TBL1XR1: variants seen among roughly 807,000 people sequenced by gnomAD.
TBL1XR1 encodes TBL1X/Y related 1.
A neutral mutation model predicts 66.9 loss-of-function variants in TBL1XR1; 5 were observed. That is an observed-to-expected ratio of 0.07 (90% CI 0.04 to 0.16). The LOEUF is 0.16. TBL1XR1 is among the 10% of genes least tolerant of loss of function. TBL1XR1 has a pLI of 1.00. For missense variants in TBL1XR1, 238 were observed against 623.2 expected (o/e 0.38, Z 6.58); for synonymous variants, 210 against 206.0 (o/e 1.02, Z -0.17).
At chr3:177,111,202 T>C (rs1264511293) in intron 1 of TBL1XR1, among the ~76,000 whole-genome samples, 1 of 151,824 alleles carries the variant, frequency 6.6e-6, no homozygotes, top group Admixed American at 6.6e-5. Context: ...GGGCAAAGAA[T>C]CCACAAACGA....
chr3:177,176,301 A>G (rs1734144902), intron 1 of TBL1XR1, among the ~76,000 whole-genome samples: 2 of 151,000 alleles, frequency 1.3e-5, no homozygotes, highest in Non-Finnish European at 3.0e-5. Flanking sequence ...GGCTCAAGCG[A>G]TTCTCCTGCC....
chr3:177,083,225 G>A (rs974806813), intron 2 of TBL1XR1, among the ~76,000 whole-genome samples: 5 of 151,940 alleles, frequency 3.3e-5, no homozygotes, highest in Admixed American at 6.6e-5. Context: ...AAACCTGTTC[G>A]AAATTACCAA....
At position 177,117,032 on chromosome 3, in the gene TBL1XR1, C is replaced by T. The variant is rs78701211; in HGVS notation, c.-121-18491G>A. ...CAACATGACCCGGTTTCTAAACACA[C>T]TGCTATTGGCATTCCGAAAATGGGG... On this transcript the variant is annotated intron_variant, in intron 1 of 15. Transcript: ENST00000457928. Among the ~76,000 whole-genome samples, 70 of 152,308 alleles carry T rather than the reference C, an allele frequency of 4.6e-4. No homozygotes were observed. The East Asian group carries it at 0.013, about 28-fold the overall frequency.
intron 1 of TBL1XR1, among the ~76,000 whole-genome samples, chr3:177,123,360 C>G (rs1318273018): frequency 6.6e-6 from 1 of 151,986 alleles, no homozygotes; most frequent in East Asian, 1.9e-4. Flanking sequence ...CATACCTACA[C>G]CAACATCACT....
intron 14 of TBL1XR1, among the ~76,000 whole-genome samples, chr3:177,030,593 C>T (rs1713841533): frequency 6.6e-6 from 1 of 151,988 alleles, no homozygotes; most frequent in Admixed American, 6.6e-5. Flanking sequence ...AACATTTTAT[C>T]AGGTAAAAAT....
At chr3:177,166,839 T>C (rs1164085430) in intron 1 of TBL1XR1, among the ~76,000 whole-genome samples, 1 of 152,188 alleles carries the variant, frequency 6.6e-6, no homozygotes, top group East Asian at 1.9e-4. Flanking sequence ...CCTGGAACAC[T>C]GAAAACACCA....
chr3:177,128,493 T>C (rs1727912816), intron 1 of TBL1XR1, among the ~76,000 whole-genome samples: 1 of 152,040 alleles, frequency 6.6e-6, no homozygotes, highest in Admixed American at 6.5e-5. Context: ...CTCACCTCAG[T>C]CCCCCAAGTA....
chr3:177,098,455 G>C lies in TBL1XR1; in HGVS notation c.-46+11C>G. 1.0e-6 allele frequency: 1 copy of C among 984,266 alleles called. No homozygotes were observed. Among genetic ancestry groups the C allele is most frequent in the Non-Finnish European group, 1.2e-6 (1 of 828,532 alleles). 61.0% of individuals were successfully genotyped at this position (984,266 alleles called of 1,614,324 possible). A position where few individuals can be genotyped will look rare whatever the true frequency, so the allele number is the denominator to read the frequency against. On this transcript the variant is annotated intron_variant, in intron 2 of 15. Transcript: ENST00000457928. ...TAAGAAACACTGACATTGGGAGTTG[G>C]AGAGTCTTACCATTGGCAGTGCATT...
At position 177,153,729 on chromosome 3, in the gene TBL1XR1, T is replaced by G. The variant is rs374429820; in HGVS notation, c.-122+43392A>C. Among the ~76,000 whole-genome samples the G allele has an allele frequency of 7.2e-5, 11 of 151,924 alleles. No individual in the cohort carries two copies. The East Asian group carries it at 2.1e-3, about 29-fold the overall frequency. On this transcript the variant is annotated intron_variant, in intron 1 of 15. Transcript: ENST00000457928. ...ATGATGAAACCCCTACTAAAAAAAT[T>G]AGCTGGGCGTGGTGGCACGCGCCTG...
intron 2 of TBL1XR1, among the ~76,000 whole-genome samples, chr3:177,087,289 C>CTGTT (rs1722262172): frequency 6.6e-6 from 1 of 151,660 alleles, no homozygotes; most frequent in Non-Finnish European, 1.5e-5. Flanking sequence ...GTTTAAAGTA[C>CTGTT]CTCTATGTAA....
intron 1 of TBL1XR1, among the ~76,000 whole-genome samples, chr3:177,138,977 G>A (rs1380140867): frequency 2.0e-5 from 3 of 152,086 alleles, no homozygotes; most frequent in Admixed American, 2.0e-4. Flanking sequence ...AAGCCTCATA[G>A]AAAAAGAACC....
intron 1 of TBL1XR1, among the ~76,000 whole-genome samples, chr3:177,101,652 G>GC: frequency 1.3e-5 from 2 of 152,112 alleles, no homozygotes; most frequent in Non-Finnish European, 2.9e-5. Context: ...CCCACAGGCG[G>GC]CCCCTCAAGC....
intron 2 of TBL1XR1, among the ~76,000 whole-genome samples, chr3:177,087,744 G>GAAAGGAA (rs1474241074): frequency 3.3e-5 from 5 of 151,776 alleles, no homozygotes; most frequent in African/African-American, 1.2e-4. Context: ...ATGGATGAAT[G>GAAAGGAA]AAAGGAAAAA....
chr3:177,054,221 A>T (rs1717516412), intron 3 of TBL1XR1, among the ~76,000 whole-genome samples: 1 of 152,248 alleles, frequency 6.6e-6, no homozygotes, highest in South Asian at 2.1e-4. Flanking sequence ...CTTAACAAAA[A>T]GCATCAAATG....
chr3:177,178,329 C>A (rs1489240308), intron 1 of TBL1XR1, among the ~76,000 whole-genome samples: 4 of 151,938 alleles, frequency 2.6e-5, no homozygotes, highest in African/African-American at 9.7e-5. Flanking sequence ...AATATAGTAC[C>A]AGATTTTAAA....
intron 1 of TBL1XR1, among the ~76,000 whole-genome samples, chr3:177,141,106 A>T (rs1019992413): frequency 6.6e-6 from 1 of 152,242 alleles, no homozygotes; most frequent in African/African-American, 2.4e-5. Flanking sequence ...TTTCAAATGA[A>T]ATATGTCCCA....
At chr3:177,069,274 T>C (rs948567731) in intron 2 of TBL1XR1, among the ~76,000 whole-genome samples, 1 of 152,144 alleles carries the variant, frequency 6.6e-6, no homozygotes, top group Non-Finnish European at 1.5e-5. Flanking sequence ...AAAAAATGTA[T>C]TAGAAGACCA....
intron 1 of TBL1XR1, chr3:177,160,760 C>A (rs1732093645): frequency 6.6e-6 from 1 of 152,102 alleles, no homozygotes; most frequent in African/African-American, 2.4e-5. Flanking sequence ...CTTTGGGAGA[C>A]TGAGGAGGGT....
At chr3:177,121,710 A>T (rs970293863) in intron 1 of TBL1XR1, among the ~76,000 whole-genome samples, 1 of 152,224 alleles carries the variant, frequency 6.6e-6, no homozygotes, top group African/African-American at 2.4e-5. Flanking sequence ...TCTTTTTGGC[A>T]CATGGGAAAT....
Sources: allele counts gnomAD v4.1 joint callset (sites outside exome capture counted in the v4.1 genomes callset), GRCh38; gene constraint gnomAD v4.1.1; transcripts MANE v1.5; gene names NCBI Gene and HGNC (gene_info 2026-07-23, HGNC 2026-07-21).